The following FAF1 variants were observed in gnomAD, a reference collection of about 807,000 sequenced individuals.
FAF1 encodes the protein FAS-associated factor 1.
Under a neutral mutation model 92.5 loss-of-function variants are expected in FAF1, and 25 were observed. The observed-to-expected ratio is 0.27, with a 90% confidence interval of 0.20 to 0.38. FAF1 has a LOEUF of 0.38. Among genes scored for constraint, FAF1 ranks in the 10% least tolerant of loss-of-function variants. The pLI is 1.00. For missense variants in FAF1, 636 were observed against 793.3 expected (o/e 0.80, Z 2.38); for synonymous variants, 234 against 273.2 (o/e 0.86, Z 1.42).
intron 2 of FAF1, among the ~76,000 whole-genome samples, chr1:50,832,859 A>G (rs1423157235): frequency 6.6e-6 from 1 of 152,192 alleles, no homozygotes; most frequent in Non-Finnish European, 1.5e-5. Context: ...TTTGAAGCTA[A>G]GGCAGAAATA....
chr1:50,610,401 TTC>T (rs1161398793), intron 8 of FAF1, among the ~76,000 whole-genome samples: 3 of 152,232 alleles, frequency 2.0e-5, no homozygotes, highest in Non-Finnish European at 4.4e-5. Context: ...GGAAAAAGTT[TTC>T]TGTTATTAAA....
rs368546564 is a variant in FAF1 at position 50,801,681 on chromosome 1, C to T, written c.115-4G>A. 7 of 1,583,614 alleles carry T rather than the reference C, an allele frequency of 4.4e-6. No homozygotes were observed. The South Asian group carries it at 7.8e-5, about 18-fold the overall frequency. ...GTATTACACCATTGATAGCTGCCTG[C>T]AAACAAGAAACAGAGAAGGCCATTT... On this transcript the variant is annotated splice_polypyrimidine_tract_variant and splice_region_variant and intron_variant, in intron 2 of 18. Coordinates refer to ENST00000396153, the MANE Select transcript of FAF1 (RefSeq NM_007051.3).
chr1:50,587,769 T>TGC (rs2124041897), intron 9 of FAF1, among the ~76,000 whole-genome samples: 2 of 152,342 alleles, frequency 1.3e-5, no homozygotes, highest in African/African-American at 4.8e-5. Context: ...CACCATATAT[T>TGC]ATACACAGAG....
At chr1:50,863,035 A>C (rs183382795) in intron 1 of FAF1, among the ~76,000 whole-genome samples, 1 of 152,108 alleles carries the variant, frequency 6.6e-6, no homozygotes, top group African/African-American at 2.4e-5. Context: ...TTTACAGAAC[A>C]TTCTACCCAA....
chr1:50,814,946 G>A (rs938788068), intron 2 of FAF1, among the ~76,000 whole-genome samples: 2 of 152,118 alleles, frequency 1.3e-5, no homozygotes, highest in African/African-American at 2.4e-5. Flanking sequence ...AAATGGTATC[G>A]CTGCTGTCGC....
At chr1:50,541,979 G>A (rs1648777736) in intron 13 of FAF1, among the ~76,000 whole-genome samples, 1 of 152,136 alleles carries the variant, frequency 6.6e-6, no homozygotes, top group Admixed American at 6.6e-5. Context: ...CATGTTTGCG[G>A]TGCAGATCGC....
chr1:50,515,046 A>G (rs1224123454), intron 15 of FAF1, among the ~76,000 whole-genome samples: 1 of 152,216 alleles, frequency 6.6e-6, no homozygotes, highest in African/African-American at 2.4e-5. Flanking sequence ...ACACATTTAT[A>G]AAATATTTAC....
chr1:50,632,206 G>C (rs563467319), intron 8 of FAF1, among the ~76,000 whole-genome samples: 1 of 152,140 alleles, frequency 6.6e-6, no homozygotes, highest in African/African-American at 2.4e-5. Context: ...AATATCATTT[G>C]AAAATGTCAT....
chr1:50,744,820 A>G, intron 4 of FAF1, 45 bp from the exon 5 acceptor site: 1 of 1,184,732 alleles, frequency 8.4e-7, no homozygotes, highest in Non-Finnish European at 1.2e-6. Context: ...AAAATAACAC[A>G]GTTAACATTT....
chr1:50,659,470 C>T lies in FAF1; in HGVS notation c.658-3942G>A, dbSNP rs1424827631. Among the ~76,000 whole-genome samples the T allele has an allele frequency of 2.0e-5, 3 of 152,088 alleles. No homozygotes were observed. The East Asian group carries it at 5.8e-4, about 29-fold the overall frequency. ...GGCTGGGGTGCAGTGGCTGGCATGC[C>T]CAGCTGCCAATATTGTGTTGCTTCT... On this transcript the variant is annotated intron_variant, in intron 7 of 18. Coordinates refer to ENST00000396153, the MANE Select transcript of FAF1 (RefSeq NM_007051.3).
At chr1:50,729,054 A>ATTTT (rs1364447973) in intron 6 of FAF1, among the ~76,000 whole-genome samples, 5 of 97,836 alleles carry the variant, frequency 5.1e-5, no homozygotes, top group Non-Finnish European at 1.0e-4. Flanking sequence ...ATATATATAT[A>ATTTT]TATATTTTTT....
chr1:50,485,330 C>T (rs1179398287), intron 17 of FAF1, among the ~76,000 whole-genome samples: 2 of 151,750 alleles, frequency 1.3e-5, no homozygotes, highest in Admixed American at 1.3e-4. Flanking sequence ...ATAATATCAT[C>T]CTTACCAATT....
intron 4 of FAF1, among the ~76,000 whole-genome samples, chr1:50,757,552 T>C (rs1032004141): frequency 2.2e-4 from 33 of 152,244 alleles, no homozygotes; most frequent in Admixed American, 4.6e-4. Context: ...GCTCATCCCA[T>C]ACTAACATAG....
intron 1 of FAF1, among the ~76,000 whole-genome samples, chr1:50,906,211 G>A (rs1644836991): frequency 6.6e-6 from 1 of 152,088 alleles, no homozygotes; most frequent in African/African-American, 2.4e-5. Context: ...TTATTTCTGA[G>A]GGCTCTGTTG....
Position 50,731,166 on chromosome 1 carries a change from G to A in FAF1, c.551+7697C>T, listed in dbSNP as rs146028601. ...ACCAGTATAAACAAGTTTCCTGTGT[G>A]AGGGACCCTCTGGTCACAGGTTGGA... is the stretch of plus-strand genomic sequence containing the variant. On this transcript the variant is annotated intron_variant, in intron 6 of 18. Coordinates refer to ENST00000396153, the MANE Select transcript of FAF1 (RefSeq NM_007051.3). Among the ~76,000 whole-genome samples the A allele has an allele frequency of 3.3e-5, 5 of 152,226 alleles. No homozygotes were observed. In the East Asian group the frequency reaches 9.7e-4, roughly 29 times the overall value.
At chr1:50,786,577 G>GT (rs1363295864) in intron 4 of FAF1, among the ~76,000 whole-genome samples, 1 of 152,116 alleles carries the variant, frequency 6.6e-6, no homozygotes, top group Admixed American at 6.5e-5. Flanking sequence ...CATATTATGT[G>GT]TTTTTTACCA....
At position 50,820,982 on chromosome 1, in the gene FAF1, T is replaced by G. The variant is rs574991773; in HGVS notation, c.115-19305A>C. ...GCACAGGGCTTGGTCATGTTACTAC[T>G]CTAAGATTTGTGGTTGGTGCAAAAG... is the stretch of plus-strand genomic sequence containing the variant. On this transcript the variant is annotated intron_variant, in intron 2 of 18. Coordinates refer to ENST00000396153, the MANE Select transcript of FAF1 (RefSeq NM_007051.3). Among the ~76,000 whole-genome samples the G allele has an allele frequency of 3.9e-5, 6 of 152,324 alleles. No individual in the cohort carries two copies. In the East Asian group the frequency reaches 9.6e-4, roughly 24 times the overall value.
chr1:50,746,259 TATATATATATATATATATATATATA>T (rs1557506359), intron 4 of FAF1, among the ~76,000 whole-genome samples: 3 of 20,964 alleles, frequency 1.4e-4, no homozygotes, highest in African/African-American at 7.0e-4. Flanking sequence ...TATATATATA[TATATATATATATATATATATATATA>T]TATATATATT....
At chr1:50,760,999 A>C (rs913132925) in intron 4 of FAF1, among the ~76,000 whole-genome samples, 2 of 152,186 alleles carry the variant, frequency 1.3e-5, no homozygotes, top group African/African-American at 2.4e-5. Flanking sequence ...AAAATGATAA[A>C]GGGGATATCA....
Sources: allele counts gnomAD v4.1 joint callset (sites outside exome capture counted in the v4.1 genomes callset), GRCh38; gene constraint gnomAD v4.1.1; transcripts MANE v1.5; gene names NCBI Gene and HGNC (gene_info 2026-07-23, HGNC 2026-07-21).